LPCAT3: variants seen among roughly 807,000 people sequenced by gnomAD.
The protein encoded by LPCAT3 is lysophosphatidylcholine acyltransferase 3, also known as lysophospholipid acyltransferase 5.
A neutral mutation model predicts 63.4 loss-of-function variants in LPCAT3; 21 were observed. The observed-to-expected ratio is 0.33, with a 90% CI of 0.23 to 0.48. The LOEUF is 0.48. Ranked by LOEUF, LPCAT3 falls within the 20% of genes least tolerant of loss-of-function variation. LPCAT3 has a pLI of 0.99. For synonymous variants in LPCAT3, 242 were observed against 227.5 expected (o/e 1.06, Z -0.58); for missense variants, 451 against 590.6 (o/e 0.76, Z 2.45).
chr12:6,995,711 G>A (rs1485641099), intron 1 of LPCAT3, among the ~76,000 whole-genome samples: 1 of 151,850 alleles, frequency 6.6e-6, no homozygotes, highest in African/African-American at 2.4e-5. Flanking sequence ...GTCCTATACC[G>A]GGGTAATCTT....
chr12:7,000,717 T>C (rs1317064774), intron 1 of LPCAT3, among the ~76,000 whole-genome samples: 3 of 151,438 alleles, frequency 2.0e-5, no homozygotes, highest in African/African-American at 7.3e-5. Flanking sequence ...TTCTTAAAAA[T>C]TGAGTATTCT....
At chr12:7,007,493 C>CTTT (rs1161030834) in intron 1 of LPCAT3, among the ~76,000 whole-genome samples, 73 of 121,686 alleles carry the variant, frequency 6.0e-4, no homozygotes, top group East Asian at 1.6e-3. Flanking sequence ...TTGACAAAAG[C>CTTT]TTTTTTTTTT....
chr12:6,986,092 T>A (rs1010901610), intron 1 of LPCAT3, among the ~76,000 whole-genome samples: 6 of 152,068 alleles, frequency 3.9e-5, no homozygotes, highest in Admixed American at 6.5e-5. Context: ...GTTTTTTTTT[T>A]AATTGCTGTT....
chr12:7,003,079 A>AT (rs200946438), intron 1 of LPCAT3, among the ~76,000 whole-genome samples: 49 of 152,192 alleles, frequency 3.2e-4, no homozygotes, highest in African/African-American at 1.0e-3. Flanking sequence ...CATTTGTAGC[A>AT]TTTTTTTTCC....
chr12:7,008,713 C>T (rs12310868), intron 1 of LPCAT3, among the ~76,000 whole-genome samples: 2 of 151,770 alleles, frequency 1.3e-5, no homozygotes, highest in Admixed American at 6.6e-5. Flanking sequence ...GATTGTACCT[C>T]TGCACTCCAG....
chr12:7,017,491 C>A lies in LPCAT3; in HGVS notation c.151+783G>T, dbSNP rs1474498022. 2.0e-5 allele frequency among the ~76,000 whole-genome samples: 3 copies of A among 152,208 alleles called. No homozygotes were observed. Among genetic ancestry groups the A allele is most frequent in the Non-Finnish European group, 4.4e-5 (3 of 68,042 alleles). ...CCATACTTTTTTCCATTGTACTATG[C>A]TACCTCCATGTATTAAACCATGGAG... is the stretch of plus-strand genomic sequence containing the variant. On this transcript the variant is annotated intron_variant, in intron 1 of 12. Transcript: ENST00000261407. This position sits in a 1 kb window ranked among gnomAD's most constrained non-coding sequence, Gnocchi z 4.1.
At position 7,002,340 on chromosome 12, in the gene LPCAT3, G is replaced by A. The variant is rs782254933; in HGVS notation, c.151+15934C>T. On this transcript the variant is annotated intron_variant, in intron 1 of 12. Coordinates refer to ENST00000261407, the MANE Select transcript of LPCAT3 (RefSeq NM_005768.6). Reference sequence around the variant, plus strand: ...CCTGTCTCTTCCCACTTCATTTGTGGCACTGGTTTGCAGTGGACAAAAGGT... The same window carrying A: ...CCTGTCTCTTCCCACTTCATTTGTGACACTGGTTTGCAGTGGACAAAAGGT... 1.4e-4 allele frequency among the ~76,000 whole-genome samples: 21 copies of A among 152,242 alleles called. No homozygotes were observed. The Middle Eastern group carries it at 0.014, about 99-fold the overall frequency.
chr12:6,977,810 C>T lies in LPCAT3; in HGVS notation c.1041-65G>A. On this transcript the variant is annotated intron_variant, in intron 9 of 12. Coordinates refer to ENST00000261407, the MANE Select transcript of LPCAT3 (RefSeq NM_005768.6). This position sits in a 1 kb window ranked among gnomAD's most constrained non-coding sequence, Gnocchi z 4.5. ...GGTCCTTGCATCCCGCCACCTGCCT[C>T]TGGGTCCTCACCCTGAGGATTGGAT... is the stretch of plus-strand genomic sequence containing the variant. 6.3e-7 allele frequency: 1 copy of T among 1,592,160 alleles called. No homozygotes were observed. The highest frequency in any genetic ancestry group is 8.6e-7 in the Non-Finnish European group (1 of 1,164,180).
At chr12:6,997,144 G>A (rs139496986) in intron 1 of LPCAT3, 15 of 152,284 alleles carry the variant, frequency 9.9e-5, no homozygotes, top group Admixed American at 9.8e-4. Flanking sequence ...TTGAAAAACT[G>A]TATATCCTCC....
intron 1 of LPCAT3, among the ~76,000 whole-genome samples, chr12:7,002,151 C>G (rs781863935): frequency 2.0e-5 from 3 of 152,142 alleles, no homozygotes; most frequent in African/African-American, 7.2e-5. Context: ...CCCAGTTCCT[C>G]TTCTCAGGCG....
At chr12:6,996,768 T>C (rs1452263673) in intron 1 of LPCAT3, among the ~76,000 whole-genome samples, 2 of 152,224 alleles carry the variant, frequency 1.3e-5, no homozygotes, top group African/African-American at 4.8e-5. Context: ...CTGTATGGAA[T>C]AGCCAATGTT....
Position 6,987,565 on chromosome 12 carries a change from C to A in LPCAT3, c.152-4026G>T, listed in dbSNP as rs992664364. 2.6e-5 allele frequency among the ~76,000 whole-genome samples: 4 copies of A among 152,148 alleles called. No homozygotes were observed. The highest frequency in any genetic ancestry group is 7.2e-5 in the African/African-American group (3 of 41,418). ...TAGACTAAATGTCAATGCCTTCAAT[C>A]TTTTGCTTTATTTTTACTTTTGTTT... On this transcript the variant is annotated intron_variant, in intron 1 of 12. Transcript: ENST00000261407. This position sits in a 1 kb window ranked among gnomAD's most constrained non-coding sequence, Gnocchi z 4.1.
rs782767044 is a variant in LPCAT3, at chr12:6,977,379, G to T, written c.1335C>A (p.Asp445Glu). ...SMTAFCLFTW[D>E]KWLKVYKSIY... ...GGCCTTCACTTGCCTTAAGCCATTTGTCCCACGTGAAGAGGCAGAAGGCAG... is the reference window on the plus strand; with the variant it reads ...GGCCTTCACTTGCCTTAAGCCATTTTTCCCACGTGAAGAGGCAGAAGGCAG... The change falls in exon 11 of 13, where the codon GAC becomes GAA. Residue 445 changes from aspartate to glutamate, a missense_variant. Around this residue, in one of 3 missense-constraint regions of LPCAT3, gnomAD observed 304 missense variants for 390.8 expected, o/e 0.78. Coordinates refer to ENST00000261407, the MANE Select transcript of LPCAT3 (RefSeq NM_005768.6). The surrounding 1 kb of genome is among the most constrained non-coding windows in gnomAD (Gnocchi z 4.5). 6.2e-7 allele frequency: 1 copy of T among 1,614,068 alleles called. No individual in the cohort carries two copies. The highest frequency in any genetic ancestry group is 1.1e-5 in the South Asian group (1 of 91,084).
Position 6,983,676 on chromosome 12 carries a change from CAG to C in LPCAT3, c.152-139_152-138del. The stretch of plus-strand genomic sequence containing the variant: ...ACAACATACATTATATGGATGGCAA[CAG>C]AGAAGGCAATAACGGTATCCCCAAG... On this transcript the variant is annotated intron_variant, in intron 1 of 12. Coordinates refer to ENST00000261407, the MANE Select transcript of LPCAT3 (RefSeq NM_005768.6). The C allele has an allele frequency of 4.9e-6, 3 of 616,076 alleles. No homozygotes were observed. The South Asian group carries it at 5.8e-5, about 12-fold the overall frequency. 38.2% of individuals were successfully genotyped at this position (616,076 alleles called of 1,614,324 possible).
intron 1 of LPCAT3, among the ~76,000 whole-genome samples, chr12:6,996,259 A>G (rs1946635074): frequency 6.6e-6 from 1 of 152,236 alleles, no homozygotes; most frequent in African/African-American, 2.4e-5. Context: ...CTCTTTGCAC[A>G]GATAAGCTCA....
intron 1 of LPCAT3, among the ~76,000 whole-genome samples, chr12:7,000,328 A>G (rs1946673944): frequency 6.6e-6 from 1 of 151,600 alleles, no homozygotes; most frequent in Non-Finnish European, 1.5e-5. Flanking sequence ...GCGGTGGCTC[A>G]TGCCCACCCA....
intron 1 of LPCAT3, among the ~76,000 whole-genome samples, chr12:6,998,600 A>G (rs1280781800): frequency 2.0e-5 from 3 of 152,266 alleles, no homozygotes; most frequent in Non-Finnish European, 4.4e-5. Context: ...TTAGAACTTC[A>G]TATAATGAGA....
chr12:6,987,644 A>G lies in LPCAT3; in HGVS notation c.152-4105T>C, dbSNP rs1201816858. The G allele has an allele frequency of 2.5e-6, 1 of 394,316 alleles. No individual in the cohort carries two copies. Among genetic ancestry groups the G allele is most frequent in the Non-Finnish European group, 4.5e-6 (1 of 224,096 alleles). 24.4% of individuals were successfully genotyped at this position (394,316 alleles called of 1,614,324 possible). On this transcript the variant is annotated intron_variant, in intron 1 of 12. Coordinates refer to ENST00000261407, the MANE Select transcript of LPCAT3 (RefSeq NM_005768.6). This position sits in a 1 kb window ranked among gnomAD's most constrained non-coding sequence, Gnocchi z 4.1. ...AAAACAGTAGATAATTATCTAGAGC[A>G]CTCATAAATAAGTTCTAGGTAGCTA...
intron 1 of LPCAT3, among the ~76,000 whole-genome samples, chr12:7,014,790 A>C (rs782367154): frequency 6.6e-6 from 1 of 150,498 alleles, no homozygotes; most frequent in Non-Finnish European, 1.5e-5. Context: ...GCTACTCAGG[A>C]GGCTGAGGAG....
Sources: gnomAD v4.1 joint callset for allele counts (sites outside exome capture counted in the v4.1 genomes callset) on GRCh38, gnomAD v4.1.1 for gene constraint, gnomAD v4.1.1 regional missense constraint, Gnocchi (gnomAD v3.1) non-coding constraint, MANE v1.5 for transcripts, NCBI Gene and HGNC (gene_info 2026-07-23, HGNC 2026-07-21) for gene names.